SNX31: variants seen among roughly 807,000 people sequenced by gnomAD.
The protein encoded by SNX31 is sorting nexin-31.
Under a neutral mutation model 65.4 loss-of-function variants are expected in SNX31, and 58 were observed. That is an observed-to-expected ratio of 0.89 (90% CI 0.72 to 1.10). The LOEUF is 1.10. Among genes scored for constraint, SNX31 ranks in the 50% least tolerant of loss-of-function variants. The probability of loss-of-function intolerance (pLI) is 0.00; values close to 1 mark genes in which losing one functional copy is unlikely to be tolerated. For missense variants in SNX31, 523 were observed against 529.7 expected, an observed-to-expected ratio of 0.99 and a Z score of 0.12; for synonymous variants, 181 against 190.1, an observed-to-expected ratio of 0.95 and a Z score of 0.39.
At chr8:100,574,916 G>A (rs781217367) in intron 13 of SNX31, among the ~76,000 whole-genome samples, 3 of 152,138 alleles carry the variant, frequency 2.0e-5, no homozygotes, top group Non-Finnish European at 4.4e-5. Flanking sequence ...CCTGGGCAAG[G>A]GAGCGAGACT....
intron 9 of SNX31, among the ~76,000 whole-genome samples, chr8:100,598,132 C>A (rs569445684): frequency 2.0e-5 from 3 of 152,338 alleles, no homozygotes; most frequent in African/African-American, 7.2e-5. Flanking sequence ...ACAGCTGACT[C>A]CTGATCTCAT....
rs1817991753 is a variant in SNX31 at position 100,625,574 on chromosome 8, C to G, written c.321+4753G>C. 6.6e-6 allele frequency among the ~76,000 whole-genome samples: 1 copy of G among 152,210 alleles called. No homozygotes were observed. The highest frequency in any genetic ancestry group is 2.4e-5 in the African/African-American group (1 of 41,466). Reference sequence around the variant, plus strand: ...GTGACTGTTACCTCTGTCCTGCCCTCTCTTTAGAAGCAAACAGAAAACAAT... The same window carrying G: ...GTGACTGTTACCTCTGTCCTGCCCTGTCTTTAGAAGCAAACAGAAAACAAT... On this transcript the variant is annotated intron_variant, in intron 4 of 13. Transcript: ENST00000311812. This position sits in a 1 kb window ranked among gnomAD's most constrained non-coding sequence, Gnocchi z 4.2.
chr8:100,589,093 G>C (rs1031544224), intron 10 of SNX31, 114 bp from the exon 11 acceptor site: 1 of 677,600 alleles, frequency 1.5e-6, no homozygotes, highest in African/African-American at 1.8e-5. Flanking sequence ...CTGAGGTCAG[G>C]AGTTCGAGAC....
chr8:100,577,318 A>C (rs976022924), intron 12 of SNX31, among the ~76,000 whole-genome samples: 2 of 152,246 alleles, frequency 1.3e-5, no homozygotes, highest in African/African-American at 4.8e-5. Context: ...GTGGTTGCCT[A>C]TGGATTTTGT....
At position 100,629,655 on chromosome 8, in the gene SNX31, A is replaced by ATTCT. The variant is rs1304296953; in HGVS notation, c.321+668_321+671dup. Among the ~76,000 whole-genome samples, 1 of 152,230 alleles carries ATTCT rather than the reference A, an allele frequency of 6.6e-6. No individual in the cohort carries two copies. Among genetic ancestry groups the ATTCT allele is most frequent in the East Asian group, 1.9e-4 (1 of 5,204 alleles). ...AGTATCATATTACTGCGGAACTTAA[A>ATTCT]TTCTTTCAGAGCTTTTCCAGCCAAG... On this transcript the variant is annotated intron_variant, in intron 4 of 13. Coordinates refer to ENST00000311812, the MANE Select transcript of SNX31 (RefSeq NM_152628.4). The surrounding 1 kb of genome is among the most constrained non-coding windows in gnomAD (Gnocchi z 5.1).
upstream of SNX31, among the ~76,000 whole-genome samples, chr8:100,653,713 T>C (rs79524930): frequency 0.039 from 5,863 of 152,170 alleles, 187 homozygotes; most frequent in East Asian, 0.097. Flanking sequence ...TGAGGCACTT[T>C]GTTATGGAAG....
rs573483151 is a variant in SNX31 at position 100,630,055 on chromosome 8, G to A, written c.321+272C>T. 6.6e-6 allele frequency among the ~76,000 whole-genome samples: 1 copy of A among 152,294 alleles called. No individual in the cohort carries two copies. Among genetic ancestry groups the A allele is most frequent in the Non-Finnish European group, 1.5e-5 (1 of 68,020 alleles). On this transcript the variant is annotated intron_variant, in intron 4 of 13. Coordinates refer to ENST00000311812, the MANE Select transcript of SNX31 (RefSeq NM_152628.4). This position sits in a 1 kb window ranked among gnomAD's most constrained non-coding sequence, Gnocchi z 5.3. ...TCCTCTTCTTCATGTCCTGTTTTGA[G>A]ATGTATGATTCTTAGGCTACAGAAA... is the stretch of plus-strand genomic sequence containing the variant.
chr8:100,652,797 T>C (rs1563593308), upstream of SNX31, among the ~76,000 whole-genome samples: 1 of 151,900 alleles, frequency 6.6e-6, no homozygotes, highest in Non-Finnish European at 1.5e-5. Flanking sequence ...GGCAGTAGGG[T>C]CCACGAGGGA....
At chr8:100,649,206 G>A (rs1819855772) in intron 2 of SNX31, 68 bp downstream of exon 2, 3 of 1,512,082 alleles carry the variant, frequency 2.0e-6, no homozygotes, top group Admixed American at 1.7e-5. Flanking sequence ...GAGGAACAGA[G>A]CGCTTTGGGG....
At position 100,626,393 on chromosome 8, in the gene SNX31, C is replaced by T. The variant is rs1258798306; in HGVS notation, c.321+3934G>A. On this transcript the variant is annotated intron_variant, in intron 4 of 13. Transcript: ENST00000311812. The surrounding 1 kb of genome is among the most constrained non-coding windows in gnomAD (Gnocchi z 4.4). ...CTCACTACTTAGCCTGAACTCTTAA[C>T]CCCTAGACCAGGTCGGGGGCTGCTG... 6.6e-6 allele frequency among the ~76,000 whole-genome samples: 1 copy of T among 152,152 alleles called. No individual in the cohort carries two copies. Among genetic ancestry groups the T allele is most frequent in the African/African-American group, 2.4e-5 (1 of 41,432 alleles).
intron 3 of SNX31, among the ~76,000 whole-genome samples, chr8:100,633,981 T>G (rs34371338): frequency 0.4 from 60,218 of 152,034 alleles, 13,854 homozygotes; most frequent in African/African-American, 0.64. Context: ...TGCTGCTAGG[T>G]AATATACAAA....
In SNX31 at chr8:100,588,983, C is replaced by A. The variant is rs752957354; in HGVS notation, c.979-4G>T. ...CATCCGTATCCAGCAGAGTTCCCTA[C>A]AAAGGAAAATATTTTATATTCAATG... On this transcript the variant is annotated splice_polypyrimidine_tract_variant and splice_region_variant and intron_variant, in intron 10 of 13. Transcript: ENST00000311812. This position sits in a 1 kb window ranked among gnomAD's most constrained non-coding sequence, Gnocchi z 4.8. 6 of 1,605,172 alleles carry A rather than the reference C, an allele frequency of 3.7e-6. No individual in the cohort carries two copies. Among genetic ancestry groups the A allele is most frequent in the Non-Finnish European group, 5.1e-6 (6 of 1,173,048 alleles).
chr8:100,608,639 G>C (rs909854512), intron 7 of SNX31, 76 bp from the exon 8 acceptor site: 1 of 1,423,082 alleles, frequency 7.0e-7, no homozygotes, highest in Admixed American at 1.7e-5. Flanking sequence ...TTTGGAAAGT[G>C]GTGGCCCTCT....
intron 2 of SNX31, among the ~76,000 whole-genome samples, chr8:100,642,356 G>C (rs1191499308): frequency 6.8e-6 from 1 of 147,706 alleles, no homozygotes; most frequent in South Asian, 2.1e-4. Flanking sequence ...CGTAAATGTC[G>C]CAGATGTTCC....
At chr8:100,645,271 C>G (rs1230511957) in intron 2 of SNX31, among the ~76,000 whole-genome samples, 1 of 152,194 alleles carries the variant, frequency 6.6e-6, no homozygotes, top group African/African-American at 2.4e-5. Flanking sequence ...CTCATATTCC[C>G]CAAACACACA....
chr8:100,639,218 G>A (rs1436949673), intron 2 of SNX31, among the ~76,000 whole-genome samples: 1 of 152,180 alleles, frequency 6.6e-6, no homozygotes, highest in Non-Finnish European at 1.5e-5. Context: ...AATATTTTTA[G>A]AAATAATTTA....
At chr8:100,643,333 T>TA in intron 2 of SNX31, among the ~76,000 whole-genome samples, 1 of 152,264 alleles carries the variant, frequency 6.6e-6, no homozygotes, top group South Asian at 2.1e-4. Flanking sequence ...TCCCCCACCT[T>TA]ACTGCATTCA....
chr8:100,654,700 T>G (rs1820029211), intron 1 of SNX31, among the ~76,000 whole-genome samples: 1 of 152,152 alleles, frequency 6.6e-6, no homozygotes, highest in South Asian at 2.1e-4. Flanking sequence ...ATGTGGGAAT[T>G]GAAAGATGAA....
rs1273824362 is a variant in SNX31, at chr8:100,614,194, T to A, written c.433-1109A>T. Among the ~76,000 whole-genome samples, 1 of 152,212 alleles carries A rather than the reference T, an allele frequency of 6.6e-6. No individual in the cohort carries two copies. Among genetic ancestry groups the A allele is most frequent in the Non-Finnish European group, 1.5e-5 (1 of 68,036 alleles). On this transcript the variant is annotated intron_variant, in intron 5 of 13. Coordinates refer to ENST00000311812, the MANE Select transcript of SNX31 (RefSeq NM_152628.4). This position sits in a 1 kb window ranked among gnomAD's most constrained non-coding sequence, Gnocchi z 5.1. ...TCTTTCTGTCTCTCTCTTTCCCCCA[T>A]GTTTTGGGCTGCAAAACACCCAAAA...
Sources: gnomAD v4.1 joint callset for allele counts (sites outside exome capture counted in the v4.1 genomes callset) on GRCh38, gnomAD v4.1.1 for gene constraint, Gnocchi (gnomAD v3.1) non-coding constraint, MANE v1.5 for transcripts, NCBI Gene and HGNC (gene_info 2026-07-23, HGNC 2026-07-21) for gene names.